The following AGPAT3 variants were observed in gnomAD, a reference collection of about 807,000 sequenced individuals.
AGPAT3 encodes 1-acyl-sn-glycerol-3-phosphate acyltransferase gamma.
AGPAT3 carries 5 observed loss-of-function variants against 47.3 expected under a neutral mutation model. That is an observed-to-expected ratio of 0.11 (90% CI 0.06 to 0.22). The LOEUF (loss-of-function observed/expected upper bound fraction) is 0.22. Among genes scored for constraint, AGPAT3 ranks in the 10% least tolerant of loss-of-function variants. AGPAT3 has a pLI of 1.00. For synonymous variants in AGPAT3, 212 were observed against 208.3 expected (o/e 1.02, Z -0.15); for missense variants, 315 against 493.0 (o/e 0.64, Z 3.42).
rs1439002821 is a variant in AGPAT3 at position 43,876,944 on chromosome 21, C to T, written c.-112+11599C>T. On this transcript the variant is annotated intron_variant, in intron 1 of 9. Coordinates refer to ENST00000291572, the MANE Select transcript of AGPAT3 (RefSeq NM_020132.5). ...TACGATCTTGGCTTACTGCAACCTC[C>T]GCCTCCAGGGCTCAAGTGATTCTTG... is the stretch of plus-strand genomic sequence containing the variant. Among the ~76,000 whole-genome samples the T allele has an allele frequency of 7.2e-5, 11 of 152,070 alleles. 1 individual carries two copies. Among genetic ancestry groups the T allele is most frequent in the African/African-American group, 4.8e-5 (2 of 41,392 alleles).
intron 1 of AGPAT3, among the ~76,000 whole-genome samples, chr21:43,870,795 A>G (rs1218797235): frequency 1.3e-5 from 2 of 152,236 alleles, no homozygotes; most frequent in Non-Finnish European, 2.9e-5. Context: ...ACAAAGCTAT[A>G]CAGGAAAATC....
intron 2 of AGPAT3, among the ~76,000 whole-genome samples, chr21:43,924,632 A>G (rs1291699336): frequency 6.6e-6 from 1 of 151,984 alleles, no homozygotes; most frequent in Non-Finnish European, 1.5e-5. Flanking sequence ...CTCCGACATC[A>G]TGCTCCGGCC....
intron 8 of AGPAT3, among the ~76,000 whole-genome samples, chr21:43,980,201 G>A (rs1030127751): frequency 1.5e-4 from 23 of 150,880 alleles, no homozygotes; most frequent in African/African-American, 4.7e-4. Flanking sequence ...GCTTAAACCC[G>A]GGAGACAGAG....
chr21:43,906,984 G>A (rs1031812608), intron 2 of AGPAT3, among the ~76,000 whole-genome samples: 2 of 152,066 alleles, frequency 1.3e-5, no homozygotes, highest in African/African-American at 4.8e-5. Flanking sequence ...GGCAAAGGAG[G>A]CCCAGGGGGC....
At chr21:43,894,093 C>T (rs1205334619) in intron 1 of AGPAT3, among the ~76,000 whole-genome samples, 1 of 152,166 alleles carries the variant, frequency 6.6e-6, no homozygotes, top group African/African-American at 2.4e-5. Flanking sequence ...TTCTGGCGTT[C>T]ATGCTCGTGA....
rs982564694 is a variant in AGPAT3, at chr21:43,939,588, C to T, written c.-48-20046C>T. 3.9e-5 allele frequency among the ~76,000 whole-genome samples: 6 copies of T among 152,208 alleles called. No individual in the cohort carries two copies. The highest frequency in any genetic ancestry group is 6.5e-5 in the Admixed American group (1 of 15,282). Reference sequence around the variant, plus strand: ...TTGCTGCAGTTTGGAGAGAGTGTCGCGGGCGCCTGGCCTGTCCGGCAGGCT... The same window carrying T: ...TTGCTGCAGTTTGGAGAGAGTGTCGTGGGCGCCTGGCCTGTCCGGCAGGCT... On this transcript the variant is annotated intron_variant, in intron 2 of 9. Transcript: ENST00000291572. The surrounding 1 kb of genome is among the most constrained non-coding windows in gnomAD (Gnocchi z 4.4).
chr21:43,918,769 G>T (rs753851674), intron 2 of AGPAT3, among the ~76,000 whole-genome samples: 3 of 152,120 alleles, frequency 2.0e-5, no homozygotes, highest in Non-Finnish European at 2.9e-5. Flanking sequence ...TAGAGATGGG[G>T]TTTCACCATG....
rs1171263942 is a variant in AGPAT3, at chr21:43,920,647, G to A, written c.-49+16628G>A. 3.9e-5 allele frequency among the ~76,000 whole-genome samples: 6 copies of A among 152,084 alleles called. No individual in the cohort carries two copies. The highest frequency in any genetic ancestry group is 8.8e-5 in the Non-Finnish European group (6 of 68,014). ...AGTGGCCGGTGTTCTGCTCGATCGT[G>A]CCTGTGTAATGAAGCCTCCACAGAC... On this transcript the variant is annotated intron_variant, in intron 2 of 9. Coordinates refer to ENST00000291572, the MANE Select transcript of AGPAT3 (RefSeq NM_020132.5). This position sits in a 1 kb window ranked among gnomAD's most constrained non-coding sequence, Gnocchi z 6.1.
intron 1 of AGPAT3, among the ~76,000 whole-genome samples, chr21:43,889,170 G>T (rs1247451114): frequency 6.6e-6 from 1 of 151,970 alleles, no homozygotes; most frequent in African/African-American, 2.4e-5. Context: ...TTGTCGTCCT[G>T]TGCTGGCATC....
rs547431686 is a variant in AGPAT3, at chr21:43,982,699, C to G, written c.*307C>G. On this transcript the variant is annotated 3_prime_UTR_variant, in exon 10 of 10. Coordinates refer to ENST00000291572, the MANE Select transcript of AGPAT3 (RefSeq NM_020132.5). The surrounding 1 kb of genome is among the most constrained non-coding windows in gnomAD (Gnocchi z 6.2). ...CCAAGAGGGAGCCTTTGGCTGCTTT[C>G]TCTCCTTAAACTTAGATCAAATTTT... The G allele has an allele frequency of 1.3e-5, 3 of 231,314 alleles. No individual in the cohort carries two copies. The highest frequency in any genetic ancestry group is 6.9e-5 in the African/African-American group (3 of 43,250). The allele number at this position is 231,314 out of a possible 1,614,324, so 14.3% of individuals were successfully genotyped here.
intron 1 of AGPAT3, among the ~76,000 whole-genome samples, chr21:43,889,126 T>G (rs1008016197): frequency 6.6e-6 from 1 of 152,222 alleles, no homozygotes; most frequent in South Asian, 2.1e-4. Context: ...AGATTTGTTT[T>G]CCTTTTCAGT....
At position 43,934,977 on chromosome 21, in the gene AGPAT3, ACCACGCCACTTACGCCAC is replaced by A. The variant is rs2087389097; in HGVS notation, c.-48-24650_-48-24633del. Among the ~76,000 whole-genome samples the A allele has an allele frequency of 6.8e-6, 1 of 146,244 alleles. No homozygotes were observed. Among genetic ancestry groups the A allele is most frequent in the Non-Finnish European group, 1.5e-5 (1 of 66,514 alleles). ...GCCACTCACATGCCATTGACACGCC[ACCACGCCACTTACGCCAC>A]CCACGCTACTACCCATGCCACCCAT... On this transcript the variant is annotated intron_variant, in intron 2 of 9. Coordinates refer to ENST00000291572, the MANE Select transcript of AGPAT3 (RefSeq NM_020132.5). This position sits in a 1 kb window ranked among gnomAD's most constrained non-coding sequence, Gnocchi z 4.7.
chr21:43,935,620 G>A (rs1193981764), intron 2 of AGPAT3, among the ~76,000 whole-genome samples: 2 of 152,236 alleles, frequency 1.3e-5, no homozygotes, highest in Non-Finnish European at 2.9e-5. Flanking sequence ...TGCTCGGTAG[G>A]GGCATTCTGG....
intron 1 of AGPAT3, among the ~76,000 whole-genome samples, chr21:43,898,685 C>T (rs1298639340): frequency 6.6e-6 from 1 of 152,140 alleles, no homozygotes; most frequent in Non-Finnish European, 1.5e-5. Flanking sequence ...CACCATCATG[C>T]CCAGCTAATT....
chr21:43,946,766 T>C (rs2087909365), intron 2 of AGPAT3, among the ~76,000 whole-genome samples: 4 of 152,264 alleles, frequency 2.6e-5, no homozygotes, highest in Admixed American at 6.5e-5. Flanking sequence ...TATGTGTGCA[T>C]GCATGTATGT....
Position 43,888,580 on chromosome 21 carries a change from T to G in AGPAT3, c.-111-15377T>G, listed in dbSNP as rs146666485. On this transcript the variant is annotated intron_variant, in intron 1 of 9. Transcript: ENST00000291572. ...AAGAAAGAAACCTTAGCAGGGTAGCTAGATAAATGGTAAGGTCAATCAATA... is the reference window on the plus strand; with the variant it reads ...AAGAAAGAAACCTTAGCAGGGTAGCGAGATAAATGGTAAGGTCAATCAATA... Among the ~76,000 whole-genome samples the G allele has an allele frequency of 5.0e-3, 762 of 152,338 alleles. 1 individual carries two copies. The highest frequency in any genetic ancestry group is 7.5e-3 in the Non-Finnish European group (511 of 68,030).
At chr21:43,963,707 C>CAAAAAAAAA (rs10582784) in intron 3 of AGPAT3, among the ~76,000 whole-genome samples, 1 of 65,736 alleles carries the variant, frequency 1.5e-5, no homozygotes, top group Non-Finnish European at 3.0e-5. Context: ...GACTCTGTCT[C>CAAAAAAAAA]AAAAAAAAAA....
chr21:43,951,673 C>T (rs1187817120), intron 2 of AGPAT3, among the ~76,000 whole-genome samples: 1 of 152,152 alleles, frequency 6.6e-6, no homozygotes, highest in African/African-American at 2.4e-5. Flanking sequence ...TGTGCCATCT[C>T]CTCTGGGGGA....
rs1241117249 is a variant in AGPAT3 at position 43,955,322 on chromosome 21, G to A, written c.-48-4312G>A. The stretch of plus-strand genomic sequence containing the variant: ...AAGGACTTGGATGGAAATGTTCCCT[G>A]TTGCAGTGTGGTGGGGTCACAGGCG... On this transcript the variant is annotated intron_variant, in intron 2 of 9. Coordinates refer to ENST00000291572, the MANE Select transcript of AGPAT3 (RefSeq NM_020132.5). This position sits in a 1 kb window ranked among gnomAD's most constrained non-coding sequence, Gnocchi z 4.1. The A allele has an allele frequency of 2.9e-6, 3 of 1,032,476 alleles. No individual in the cohort carries two copies. Among genetic ancestry groups the A allele is most frequent in the Non-Finnish European group, 2.4e-6 (2 of 817,472 alleles). The allele number at this position is 1,032,476 out of a possible 1,614,324, so 64.0% of individuals were successfully genotyped here. A position where few individuals can be genotyped will look rare whatever the true frequency, so the allele number is the denominator to read the frequency against.
Sources: allele counts gnomAD v4.1 joint callset (sites outside exome capture counted in the v4.1 genomes callset), GRCh38; gene constraint gnomAD v4.1.1; non-coding constraint Gnocchi (gnomAD v3.1); transcripts MANE v1.5; gene names NCBI Gene and HGNC (gene_info 2026-07-23, HGNC 2026-07-21).